Variants in MEGF8 observed in about 807,000 individuals in gnomAD.
The protein encoded by MEGF8 is multiple EGF like domains 8.
Under a neutral mutation model 302.9 loss-of-function variants are expected in MEGF8, and 156 were observed. That is an observed-to-expected ratio of 0.52 (90% CI 0.45 to 0.59). MEGF8 has a LOEUF of 0.59. MEGF8 is among the 20% of genes least tolerant of loss of function. The pLI is 0.00. For synonymous variants in MEGF8, 1,621 were observed against 1,660.5 expected, an observed-to-expected ratio of 0.98 and a Z score of 0.58; for missense variants, 3,345 against 3,964.5, an observed-to-expected ratio of 0.84 and a Z score of 4.20.
Position 42,336,471 on chromosome 19 carries a change from C to T in MEGF8, c.1244+125C>T. On this transcript the variant is annotated intron_variant, in intron 6 of 41. Coordinates refer to ENST00000251268, the MANE Select transcript of MEGF8 (RefSeq NM_001271938.2). The surrounding 1 kb of genome is among the most constrained non-coding windows in gnomAD (Gnocchi z 4.8). Reference sequence around the variant, plus strand: ...GTGGTCTCTCAGTCACTCCTTCCTTCATGTATTTACTTATTCCTTCGTTCA... The same window carrying T: ...GTGGTCTCTCAGTCACTCCTTCCTTTATGTATTTACTTATTCCTTCGTTCA... 1 of 991,458 alleles carries T rather than the reference C, an allele frequency of 1.0e-6. No individual in the cohort carries two copies. The allele number at this position is 991,458 out of a possible 1,614,324, so 61.4% of individuals were successfully genotyped here.
In MEGF8 at chr19:42,376,915, G is replaced by A. The variant is rs1202352176; in HGVS notation, c.*140G>A. ...CTTCCCCCAGGGTTGCCCAGATGGG[G>A]CCTCCTTTGTTCTGCATTCAGCAGC... On this transcript the variant is annotated 3_prime_UTR_variant, in exon 42 of 42. Transcript: ENST00000251268. This position sits in a 1 kb window ranked among gnomAD's most constrained non-coding sequence, Gnocchi z 8.2. The A allele has an allele frequency of 1.1e-6, 1 of 902,376 alleles. No individual in the cohort carries two copies. The highest frequency in any genetic ancestry group is 1.5e-6 in the Non-Finnish European group (1 of 649,772). The allele number at this position is 902,376 out of a possible 1,614,324, so 55.9% of individuals were successfully genotyped here. A position where few individuals can be genotyped will look rare whatever the true frequency, so the allele number is the denominator to read the frequency against.
intron 14 of MEGF8, 27 bp downstream of exon 14, chr19:42,349,726 C>G (rs1321437120): frequency 1.9e-6 from 3 of 1,599,458 alleles, no homozygotes; most frequent in Non-Finnish European, 2.6e-6. Context: ...TACCTCCAAC[C>G]CTAGCCGCAG....
At chr19:42,362,892 G>A (rs1241465978) in intron 34 of MEGF8, among the ~76,000 whole-genome samples, 156 bp from the exon 35 acceptor site, 2 of 149,784 alleles carry the variant, frequency 1.3e-5, no homozygotes, top group Non-Finnish European at 3.0e-5. Context: ...GAGGGGCTGG[G>A]CACCTGATCT....
chr19:42,369,871 A>G lies in MEGF8; in HGVS notation c.6834+148A>G, dbSNP rs926933339. 1.7e-5 allele frequency: 17 copies of G among 991,572 alleles called. No individual in the cohort carries two copies. The African/African-American group carries it at 2.6e-4, about 15-fold the overall frequency. 61.4% of individuals were successfully genotyped at this position (991,572 alleles called of 1,614,324 possible). A position where few individuals can be genotyped will look rare whatever the true frequency, so the allele number is the denominator to read the frequency against. On this transcript the variant is annotated intron_variant, in intron 38 of 41. Transcript: ENST00000251268. This position sits in a 1 kb window ranked among gnomAD's most constrained non-coding sequence, Gnocchi z 5.7. ...AGCCCTGTCCCAGGGAGATGTGTGG[A>G]GACTTGGGGGACGCTGCCTGGGTTT... is the stretch of plus-strand genomic sequence containing the variant.
In MEGF8 at chr19:42,349,702, G is replaced by A; in HGVS notation, c.2499+3G>A. The A allele has an allele frequency of 1.2e-6, 2 of 1,610,928 alleles. No homozygotes were observed. Among genetic ancestry groups the A allele is most frequent in the Non-Finnish European group, 1.7e-6 (2 of 1,179,440 alleles). On this transcript the variant is annotated splice_donor_region_variant and intron_variant, in intron 14 of 41. Transcript: ENST00000251268. ...GGACTGGTGTGCCAGGAGGCAGCGTGAGTACCCAGGACCTACCTCCAACCC... is the reference window on the plus strand; with the variant it reads ...GGACTGGTGTGCCAGGAGGCAGCGTAAGTACCCAGGACCTACCTCCAACCC...
chr19:42,369,695 A>G lies in MEGF8; in HGVS notation c.6806A>G (p.His2269Arg). Residue 2269 changes from histidine (H) to arginine (R), a missense_variant, in exon 38 of 42, where the codon CAC (histidine) becomes CGC (arginine). Transcript: ENST00000251268. The surrounding 1 kb of genome is among the most constrained non-coding windows in gnomAD (Gnocchi z 5.7). ...TGCGCTGGTGTTGGGGCGCGTGACC[A>G]CTGCTTGCTCTGCCGCAACCACACC... ...SECAGVGARD[H>R]CLLCRNHTKG... 1 of 1,610,440 alleles carries G rather than the reference A, an allele frequency of 6.2e-7. No individual in the cohort carries two copies. The highest frequency in any genetic ancestry group is 8.5e-7 in the Non-Finnish European group (1 of 1,179,088).
In MEGF8 at chr19:42,376,604, C is replaced by T. The variant is rs764014679; in HGVS notation, c.8367C>T (p.Gly2789=). ...GVATLLLQLP[G]GPHAPNGACL... ...CCACACTGCTGCTCCAGCTGCCTGG[C>T]GGGCCCCATGCACCCAACGGCGCCT... The change falls in exon 42 of 42, where the codon GGC becomes GGT. Residue 2789 remains glycine (G), a synonymous_variant. Coordinates refer to ENST00000251268, the MANE Select transcript of MEGF8 (RefSeq NM_001271938.2). This position sits in a 1 kb window ranked among gnomAD's most constrained non-coding sequence, Gnocchi z 8.2. 94 of 1,547,924 alleles carry T rather than the reference C, an allele frequency of 6.1e-5. No individual in the cohort carries two copies. Among genetic ancestry groups the T allele is most frequent in the African/African-American group, 4.1e-5 (3 of 73,232 alleles).
Position 42,350,182 on chromosome 19 carries a change from C to A in MEGF8, c.2534C>A (p.Ser845Ter). 1 of 1,613,436 alleles carries A rather than the reference C, an allele frequency of 6.2e-7. No homozygotes were observed. Among genetic ancestry groups the A allele is most frequent in the Non-Finnish European group, 8.5e-7 (1 of 1,179,596 alleles). Reference protein sequence around the residue: ...ISFFFLEPYRSSSCTSYSSCL... With the variant: ...ISFFFLEPYR ...TTCTTCTTCCTGGAGCCCTACCGCT[C>A]GTCGTCCTGCACCTCCTATTCTTCC... Residue 845 changes from serine to a stop codon, truncating the protein, a stop_gained, in exon 15 of 42, where the codon TCG becomes TAG. Coordinates refer to ENST00000251268, the MANE Select transcript of MEGF8 (RefSeq NM_001271938.2). LOFTEE classifies it high-confidence loss of function.
rs1418518075 is a variant in MEGF8, at chr19:42,355,964, G to A, written c.4351G>A (p.Glu1451Lys). The A allele has an allele frequency of 2.5e-6, 4 of 1,612,240 alleles. No individual in the cohort carries two copies. Among genetic ancestry groups the A allele is most frequent in the Non-Finnish European group, 3.4e-6 (4 of 1,179,590 alleles). Residue 1451 changes from glutamate (E) to lysine (K), a missense_variant, in exon 24 of 42, where the codon GAG becomes AAG. Glu to Lys is a moderately conservative substitution (Grantham distance 56). Transcript: ENST00000251268. ...ACACTGCCGCATGGCTCTGTGTCCT[G>A]AGAACTGCAATGCCCACACTGGGGC... ...GPHCRMALCP[E>K]NCNAHTGAGT...
chr19:42,366,007 G>C (rs1285742321), intron 35 of MEGF8, among the ~76,000 whole-genome samples: 2 of 151,812 alleles, frequency 1.3e-5, no homozygotes, highest in Non-Finnish European at 2.9e-5. Flanking sequence ...GCTTGAACCT[G>C]GGTGGCAGAG....
chr19:42,332,478 C>T (rs930568755), intron 1 of MEGF8, among the ~76,000 whole-genome samples: 1 of 152,172 alleles, frequency 6.6e-6, no homozygotes, highest in Non-Finnish European at 1.5e-5. Flanking sequence ...AGCAATTCTC[C>T]TGCCTCAGCC....
chr19:42,361,983 C>T (rs1331332660), intron 32 of MEGF8, 107 bp from the exon 33 acceptor site: 32 of 1,496,568 alleles, frequency 2.1e-5, no homozygotes, highest in Non-Finnish European at 2.9e-5. Flanking sequence ...GAGGCCTGTG[C>T]TATGTCCAGC....
chr19:42,375,992 A>G lies in MEGF8; in HGVS notation c.7755A>G (p.Ala2585=). 6.2e-7 allele frequency: 1 copy of G among 1,607,176 alleles called. No homozygotes were observed. The highest frequency in any genetic ancestry group is 8.5e-7 in the Non-Finnish European group (1 of 1,178,122). ...ITYVTVTEPS[A]VLVVRGVRDR... Reference sequence around the variant, plus strand: ...ACGTGACGGTGACGGAGCCGTCGGCAGTGCTGGTGGTCCGCGGCGTGCGGG... The same window carrying G: ...ACGTGACGGTGACGGAGCCGTCGGCGGTGCTGGTGGTCCGCGGCGTGCGGG... Residue 2585 remains alanine (A), a synonymous_variant, in exon 42 of 42, where the codon GCA becomes GCG. Coordinates refer to ENST00000251268, the MANE Select transcript of MEGF8 (RefSeq NM_001271938.2). This position sits in a 1 kb window ranked among gnomAD's most constrained non-coding sequence, Gnocchi z 7.1.
chr19:42,351,414 TG>T lies in MEGF8; in HGVS notation c.2856-14del. 1 of 1,587,318 alleles carries T rather than the reference TG, an allele frequency of 6.3e-7. No individual in the cohort carries two copies. Among genetic ancestry groups the T allele is most frequent in the Non-Finnish European group, 8.6e-7 (1 of 1,167,356 alleles). On this transcript the variant is annotated splice_polypyrimidine_tract_variant and intron_variant, in intron 16 of 41. Coordinates refer to ENST00000251268, the MANE Select transcript of MEGF8 (RefSeq NM_001271938.2). The surrounding 1 kb of genome is among the most constrained non-coding windows in gnomAD (Gnocchi z 5.6). ...CTGGCTGTGGAGTGACCTGGCCCCC[TG>T]CTCCCCACCCCAGGCGACTGACCTG...
rs942803330 is a variant in MEGF8, at chr19:42,376,042, A to G, written c.7805A>G (p.His2602Arg). 1.2e-6 allele frequency: 2 copies of G among 1,604,202 alleles called. No individual in the cohort carries two copies. Among genetic ancestry groups the G allele is most frequent in the Non-Finnish European group, 1.7e-6 (2 of 1,177,850 alleles). ...VRDRLVITYP[H>R]EHHALKSSRF... ...GACCGGCTGGTCATCACCTACCCAC[A>G]CGAGCACCATGCCCTCAAGTCGAGC... Residue 2602 changes from histidine to arginine, a missense_variant, in exon 42 of 42, where the codon CAC (histidine) becomes CGC (arginine). Physicochemically the swap from His to Arg is conservative, Grantham distance 29 (BLOSUM62 0). Transcript: ENST00000251268. This position sits in a 1 kb window ranked among gnomAD's most constrained non-coding sequence, Gnocchi z 8.2.
In MEGF8 at chr19:42,376,334, G is replaced by T. The variant is rs1461151357; in HGVS notation, c.8097G>T (p.Lys2699Asn). 1.2e-6 allele frequency: 2 copies of T among 1,613,668 alleles called. No homozygotes were observed. Among genetic ancestry groups the T allele is most frequent in the Non-Finnish European group, 1.7e-6 (2 of 1,179,852 alleles). The change falls in exon 42 of 42, where the codon AAG becomes AAT. Residue 2699 changes from lysine to asparagine, a missense_variant. Lys to Asn is a moderately conservative substitution (Grantham distance 94, BLOSUM62 0). Transcript: ENST00000251268. The surrounding 1 kb of genome is among the most constrained non-coding windows in gnomAD (Gnocchi z 8.2). ...AGATGGCCAGCCGCCCCTTCGCCAAGGTCACCGTCTGCTTCCCACCTGACC... is the reference window on the plus strand; with the variant it reads ...AGATGGCCAGCCGCCCCTTCGCCAATGTCACCGTCTGCTTCCCACCTGACC... ...MTKMASRPFAKVTVCFPPDPT... is the reference protein window; with the variant it reads ...MTKMASRPFANVTVCFPPDPT...
At chr19:42,371,521 C>T (rs762628974) in intron 41 of MEGF8, 39 bp downstream of exon 41, 7 of 1,612,424 alleles carry the variant, frequency 4.3e-6, no homozygotes, top group South Asian at 2.2e-5. Context: ...GAGGGCCCTA[C>T]ACCTTGTGGA....
intron 35 of MEGF8, among the ~76,000 whole-genome samples, chr19:42,365,058 G>A (rs1008384885): frequency 6.6e-6 from 1 of 152,176 alleles, no homozygotes; most frequent in Non-Finnish European, 1.5e-5. Flanking sequence ...TCCCCATGGG[G>A]GCTGTCAATG....
Position 42,356,177 on chromosome 19 carries a change from A to C in MEGF8, c.4487A>C (p.Asp1496Ala). ...CAGCTGGTCTGGGAGACCCTCATGG[A>C]CAGCCGCCTCTCAGCCGTGAGTTGT... is the stretch of plus-strand genomic sequence containing the variant. ...GGQLVWETLM[D>A]SRLSADTASR... The change falls in exon 25 of 42, where the codon GAC (aspartate) becomes GCC (alanine). Residue 1496 changes from aspartate (D) to alanine (A), a missense_variant. Physicochemically the swap from Asp to Ala is moderately radical, Grantham distance 126. Transcript: ENST00000251268. The surrounding 1 kb of genome is among the most constrained non-coding windows in gnomAD (Gnocchi z 5.2). 1 of 1,541,992 alleles carries C rather than the reference A, an allele frequency of 6.5e-7. No homozygotes were observed. Among genetic ancestry groups the C allele is most frequent in the Non-Finnish European group, 8.8e-7 (1 of 1,141,916 alleles).
Sources: allele counts gnomAD v4.1 joint callset (sites outside exome capture counted in the v4.1 genomes callset), GRCh38; gene constraint gnomAD v4.1.1; non-coding constraint Gnocchi (gnomAD v3.1); transcripts MANE v1.5; gene names NCBI Gene and HGNC (gene_info 2026-07-23, HGNC 2026-07-21).